SAMD3: variants seen among roughly 807,000 people sequenced by gnomAD.
The protein encoded by SAMD3 is sterile alpha motif domain containing 3, also known as sterile alpha motif domain-containing protein 3.
Under a neutral mutation model 58.5 loss-of-function variants are expected in SAMD3, and 63 were observed. The observed-to-expected ratio is 1.08, with a 90% confidence interval of 0.88 to 1.33. The LOEUF (loss-of-function observed/expected upper bound fraction) is 1.33, where lower values mean the gene tolerates loss of function less well. Among genes scored for constraint, SAMD3 ranks in the 40% most tolerant of loss-of-function variants. SAMD3 has a pLI of 0.00. For synonymous variants in SAMD3, 220 were observed against 210.3 expected, an observed-to-expected ratio of 1.05 and a Z score of -0.40; for missense variants, 604 against 608.4, an observed-to-expected ratio of 0.99 and a Z score of 0.08.
intron 2 of SAMD3, among the ~76,000 whole-genome samples, chr6:130,261,562 T>C (rs924809649): frequency 6.6e-6 from 1 of 152,188 alleles, no homozygotes; most frequent in Non-Finnish European, 1.5e-5. Flanking sequence ...GTGTGTGCCC[T>C]TTTTACCCAT....
chr6:130,183,581 C>T (rs1417383028), intron 7 of SAMD3: 4 of 357,316 alleles, frequency 1.1e-5, no homozygotes, highest in African/African-American at 2.1e-5. Flanking sequence ...CCCTTCCTAA[C>T]CCTTAAAACC....
chr6:130,254,410 A>T (rs1238110033), intron 2 of SAMD3, among the ~76,000 whole-genome samples: 1 of 151,578 alleles, frequency 6.6e-6, no homozygotes. Context: ...TGGGCAGGCC[A>T]CTCTCGAACT....
intron 5 of SAMD3, among the ~76,000 whole-genome samples, chr6:130,193,384 C>T (rs1464637470): frequency 2.6e-5 from 4 of 151,984 alleles, no homozygotes; most frequent in Non-Finnish European, 4.4e-5. Flanking sequence ...CATCTCTGCA[C>T]CCCAATCCCT....
At chr6:130,168,432 C>CA (rs1245330087) in intron 8 of SAMD3, among the ~76,000 whole-genome samples, 1 of 150,966 alleles carries the variant, frequency 6.6e-6, no homozygotes, top group Admixed American at 6.6e-5. Flanking sequence ...AAACACCACC[C>CA]AAAAAAAACA....
intron 2 of SAMD3, among the ~76,000 whole-genome samples, chr6:130,238,811 T>G (rs1365040754): frequency 1.3e-5 from 2 of 152,068 alleles, no homozygotes; most frequent in African/African-American, 4.8e-5. Flanking sequence ...CAGGCTGGAG[T>G]GTAGTGGTGC....
intron 2 of SAMD3, among the ~76,000 whole-genome samples, chr6:130,273,522 C>T (rs1001529369): frequency 6.6e-6 from 1 of 152,042 alleles, no homozygotes; most frequent in African/African-American, 2.4e-5. Flanking sequence ...GAAGAACTTA[C>T]AATTGCCGTT....
chr6:130,208,325 G>T (rs919450144), intron 5 of SAMD3, among the ~76,000 whole-genome samples: 1 of 152,214 alleles, frequency 6.6e-6, no homozygotes, highest in Non-Finnish European at 1.5e-5. Flanking sequence ...AGTTATGGAT[G>T]CACGGATTGC....
At chr6:130,342,682 A>C (rs1777310916) in intron 1 of SAMD3, among the ~76,000 whole-genome samples, 1 of 152,220 alleles carries the variant, frequency 6.6e-6, no homozygotes, top group Admixed American at 6.5e-5. Context: ...AAAATAAAAG[A>C]TTAGAAAGAA....
chr6:130,275,598 A>G lies in SAMD3; in HGVS notation c.-188+37380T>C, dbSNP rs1286587271. Among the ~76,000 whole-genome samples, 4 of 152,280 alleles carry G rather than the reference A, an allele frequency of 2.6e-5. No individual in the cohort carries two copies. In the East Asian group the frequency reaches 7.7e-4, roughly 29 times the overall value. On this transcript the variant is annotated intron_variant, in intron 2 of 13. Coordinates refer to the SAMD3 transcript ENST00000368134. Reference sequence around the variant, plus strand: ...CTATTTATGATATAAATTTGAGTTTATTAATTTACCAATACCTCCCTCAAC... The same window carrying G: ...CTATTTATGATATAAATTTGAGTTTGTTAATTTACCAATACCTCCCTCAAC...
chr6:130,338,194 C>T (rs545444708), intron 1 of SAMD3, among the ~76,000 whole-genome samples: 2 of 152,358 alleles, frequency 1.3e-5, no homozygotes, highest in South Asian at 4.1e-4. Context: ...TGGACCATTG[C>T]TTCAGAGGGT....
intron 2 of SAMD3, among the ~76,000 whole-genome samples, chr6:130,253,057 G>A (rs1773797541): frequency 6.6e-6 from 1 of 152,136 alleles, no homozygotes; most frequent in East Asian, 1.9e-4. Flanking sequence ...AGGATTCTGT[G>A]TACATACTTT....
chr6:130,317,922 T>C (rs1776440125), intron 1 of SAMD3, among the ~76,000 whole-genome samples: 1 of 152,166 alleles, frequency 6.6e-6, no homozygotes, highest in African/African-American at 2.4e-5. Flanking sequence ...GCAGACAATG[T>C]TGATTGACCG....
At chr6:130,147,636 AC>A (rs1434549958) in intron 9 of SAMD3, among the ~76,000 whole-genome samples, 5 of 152,304 alleles carry the variant, frequency 3.3e-5, no homozygotes, top group African/African-American at 9.6e-5. Context: ...ATTCCTTAAT[AC>A]CTCATTGTGT....
intron 2 of SAMD3, among the ~76,000 whole-genome samples, chr6:130,308,514 T>C (rs1776028080): frequency 6.6e-6 from 1 of 151,740 alleles, no homozygotes; most frequent in African/African-American, 2.4e-5. Flanking sequence ...TGGGCCATCC[T>C]GGAAATAGCA....
Position 130,215,252 on chromosome 6 carries a change from G to T in SAMD3, c.22C>A (p.Gln8Lys). 6.2e-7 allele frequency: 1 copy of T among 1,610,076 alleles called. No homozygotes were observed. The highest frequency in any genetic ancestry group is 1.1e-5 in the South Asian group (1 of 90,698). Residue 8 changes from glutamine to lysine, a missense_variant, in exon 3 of 12, where the codon CAG (glutamine) becomes AAG (lysine). Coordinates refer to ENST00000439090, the MANE Select transcript of SAMD3 (RefSeq NM_001017373.4). METWSVE[Q>K]VCSWLVEKNL... ...TTCTCCACCAACCAACTGCAGACCTGCTCAACTGACCAGGTTTCCATTGCT... is the reference window on the plus strand; with the variant it reads ...TTCTCCACCAACCAACTGCAGACCTTCTCAACTGACCAGGTTTCCATTGCT...
chr6:130,295,952 CAT>C (rs1362598618), intron 2 of SAMD3, among the ~76,000 whole-genome samples: 1 of 152,152 alleles, frequency 6.6e-6, no homozygotes, highest in Non-Finnish European at 1.5e-5. Context: ...GAAACAAAAA[CAT>C]AATACTGAGT....
At chr6:130,355,252 C>T (rs778727137) in intron 1 of SAMD3, among the ~76,000 whole-genome samples, 7 of 152,026 alleles carry the variant, frequency 4.6e-5, no homozygotes, top group Admixed American at 3.9e-4. Context: ...GGTGAAACCC[C>T]GTCTCTACTA....
intron 1 of SAMD3, among the ~76,000 whole-genome samples, chr6:130,344,690 T>C (rs1051224165): frequency 1.1e-4 from 16 of 152,004 alleles, no homozygotes; most frequent in Non-Finnish European, 5.9e-5. Context: ...AGCCCAGCCA[T>C]TCCCTGGCTT....
rs979232400 is a variant in SAMD3 at position 130,325,551 on chromosome 6, C to T, written c.-303-12458G>A. ...AAATGTTCATCTCTTCTGGAAACAT[C>T]CTCACAGAAAATAAGATTGTTTAAT... On this transcript the variant is annotated intron_variant, in intron 1 of 13. Transcript: ENST00000368134. Among the ~76,000 whole-genome samples the T allele has an allele frequency of 2.0e-5, 3 of 152,106 alleles. No homozygotes were observed. The South Asian group carries it at 6.2e-4, about 32-fold the overall frequency.
Sources: allele counts gnomAD v4.1 joint callset (sites outside exome capture counted in the v4.1 genomes callset), GRCh38; gene constraint gnomAD v4.1.1; transcripts MANE v1.5; gene names NCBI Gene and HGNC (gene_info 2026-07-23, HGNC 2026-07-21).